Variants in TOX2 observed in about 807,000 individuals in gnomAD.
The protein encoded by TOX2 is granulosa cell HMG box 1.
Under a neutral mutation model 47.4 loss-of-function variants are expected in TOX2, and 15 were observed. The observed-to-expected ratio is 0.32, with a 90% CI of 0.21 to 0.49. The LOEUF is 0.49. TOX2 is among the 20% of genes least tolerant of loss of function. The probability of loss-of-function intolerance (pLI) is 0.99; values close to 1 mark genes in which losing one functional copy is unlikely to be tolerated. For missense variants in TOX2, 622 were observed against 673.1 expected, an observed-to-expected ratio of 0.92 and a Z score of 0.84; for synonymous variants, 290 against 296.6, an observed-to-expected ratio of 0.98 and a Z score of 0.23.
Position 44,023,285 on chromosome 20 carries a change from C to T in TOX2, c.411+16493C>T, listed in dbSNP as rs144309904. On this transcript the variant is annotated intron_variant, in intron 3 of 8. Transcript: ENST00000341197. ...CTCTACTAAAACAACAAAAATTTAG[C>T]TGGATGTGGTGGTGAACACCTGTAA... Among the ~76,000 whole-genome samples the T allele has an allele frequency of 7.5e-4, 114 of 151,664 alleles. 1 individual carries two copies. The East Asian group carries it at 0.02, about 27-fold the overall frequency.
intron 5 of TOX2, among the ~76,000 whole-genome samples, chr20:44,060,961 G>A (rs1324661306): frequency 6.6e-6 from 1 of 152,036 alleles, no homozygotes; most frequent in Non-Finnish European, 1.5e-5. Flanking sequence ...TAAACAAAAA[G>A]CTGGTTCTTT....
intron 1 of TOX2, among the ~76,000 whole-genome samples, chr20:43,952,189 C>T (rs990388316): frequency 1.3e-5 from 2 of 152,140 alleles, no homozygotes; most frequent in Non-Finnish European, 2.9e-5. Flanking sequence ...GCGTGAGCCA[C>T]TGCGCCCAGC....
chr20:44,035,279 T>C (rs1457166372), intron 3 of TOX2, among the ~76,000 whole-genome samples: 1 of 152,236 alleles, frequency 6.6e-6, no homozygotes, highest in South Asian at 2.1e-4. Context: ...CTCTCAGGCC[T>C]TTTGCTGTCC....
chr20:43,945,774 C>T, intron 1 of TOX2: 1 of 1,243,108 alleles, frequency 8.0e-7, no homozygotes, highest in Non-Finnish European at 1.1e-6. Context: ...GGTTAAATAA[C>T]AGGTTTTTCC....
intron 3 of TOX2, among the ~76,000 whole-genome samples, chr20:44,050,998 A>G (rs1215288325): frequency 6.6e-6 from 1 of 152,238 alleles, no homozygotes; most frequent in Admixed American, 6.5e-5. Context: ...ACTCGGTCTC[A>G]TCAAATGATC....
intron 3 of TOX2, among the ~76,000 whole-genome samples, chr20:44,031,193 T>C (rs999010555): frequency 3.3e-5 from 5 of 152,102 alleles, no homozygotes; most frequent in African/African-American, 4.8e-5. Flanking sequence ...CGAATGGGCA[T>C]TGGAAGCAGC....
chr20:44,053,439 T>TACACACACACACACAC (rs111951284), intron 4 of TOX2, among the ~76,000 whole-genome samples: 4 of 143,108 alleles, frequency 2.8e-5, no homozygotes, highest in African/African-American at 1.1e-4. Flanking sequence ...GGCAGATATA[T>TACACACACACACACAC]ACACACACAC....
rs146106188 is a variant in TOX2, at chr20:43,958,313, G to A, written c.100-15054G>A. Among the ~76,000 whole-genome samples, 44 of 152,206 alleles carry A rather than the reference G, an allele frequency of 2.9e-4. No individual in the cohort carries two copies. In the East Asian group the frequency reaches 6.0e-3, roughly 21 times the overall value. On this transcript the variant is annotated intron_variant, in intron 1 of 8. Transcript: ENST00000341197. ...TCTTTAAGAATATTGCTTTAAACACGCACCTGTTTTCTTTAGTGGATGTTG... is the reference window on the plus strand; with the variant it reads ...TCTTTAAGAATATTGCTTTAAACACACACCTGTTTTCTTTAGTGGATGTTG...
At chr20:43,994,520 G>T (rs1262795901) in intron 2 of TOX2, among the ~76,000 whole-genome samples, 5 of 151,532 alleles carry the variant, frequency 3.3e-5, no homozygotes, top group African/African-American at 1.2e-4. Context: ...TGTAAAATGG[G>T]GCCAGTGCCT....
At chr20:44,006,134 C>T (rs561238483) in intron 2 of TOX2, among the ~76,000 whole-genome samples, 1 of 152,356 alleles carries the variant, frequency 6.6e-6, no homozygotes, top group Admixed American at 6.5e-5. Flanking sequence ...AATCAGGATA[C>T]TTCAGCTCCA....
intron 1 of TOX2, among the ~76,000 whole-genome samples, chr20:43,943,923 T>C (rs1297760147): frequency 4.6e-5 from 7 of 152,246 alleles, no homozygotes; most frequent in Non-Finnish European, 8.8e-5. Context: ...TAAATAATGA[T>C]GCAATAAATA....
intron 2 of TOX2, among the ~76,000 whole-genome samples, chr20:43,981,935 C>CT (rs71337843): frequency 0.16 from 22,700 of 137,724 alleles, 2,077 homozygotes; most frequent in Admixed American, 0.31. Flanking sequence ...AAGGGATTTT[C>CT]TTTTTTTTTT....
At chr20:44,066,460 T>C (rs781395702) in intron 7 of TOX2, among the ~76,000 whole-genome samples, 4 of 152,178 alleles carry the variant, frequency 2.6e-5, no homozygotes, top group Non-Finnish European at 5.9e-5. Flanking sequence ...TTAGAGGTCA[T>C]TGGGTTCAGT....
At chr20:43,967,218 A>C (rs1203800711) in intron 1 of TOX2, among the ~76,000 whole-genome samples, 3 of 152,138 alleles carry the variant, frequency 2.0e-5, no homozygotes, top group Admixed American at 6.5e-5. Context: ...GTCCATGTAC[A>C]TGTTATGAGT....
At chr20:44,056,907 C>T (rs1041839075) in intron 5 of TOX2, among the ~76,000 whole-genome samples, 29 of 152,002 alleles carry the variant, frequency 1.9e-4, no homozygotes, top group African/African-American at 6.8e-4. Flanking sequence ...AATTTTGTCT[C>T]CTTTGTTATT....
At chr20:43,971,369 G>A (rs1289811370) in intron 1 of TOX2, among the ~76,000 whole-genome samples, 1 of 152,240 alleles carries the variant, frequency 6.6e-6, no homozygotes, top group Non-Finnish European at 1.5e-5. Context: ...CGGGGCGAGG[G>A]CGCGTCGAAA....
At chr20:44,024,795 TATATACAATATACAAAG>T (rs869035551) in intron 3 of TOX2, among the ~76,000 whole-genome samples, 1,508 of 150,154 alleles carry the variant, frequency 0.01, 27 homozygotes, top group African/African-American at 0.037. Flanking sequence ...TATACAATAA[TATATACAATATACAAAG>T]ATATACAATA....
chr20:43,948,213 C>A (rs1236917586), intron 1 of TOX2, among the ~76,000 whole-genome samples: 2 of 152,210 alleles, frequency 1.3e-5, no homozygotes, highest in Non-Finnish European at 2.9e-5. Flanking sequence ...ACACGGCAGG[C>A]ACCTGCTGAA....
intron 2 of TOX2, among the ~76,000 whole-genome samples, chr20:43,977,228 G>A (rs375353788): frequency 4.1e-4 from 63 of 152,230 alleles, no homozygotes; most frequent in African/African-American, 1.4e-3. Flanking sequence ...TCAGCCTCCC[G>A]AGTAGCTGGG....
Sources: allele counts gnomAD v4.1 joint callset (sites outside exome capture counted in the v4.1 genomes callset), GRCh38; gene constraint gnomAD v4.1.1; transcripts MANE v1.5; gene names NCBI Gene and HGNC (gene_info 2026-07-23, HGNC 2026-07-21).